The following HDAC1 variants were observed in gnomAD, a reference collection of about 807,000 sequenced individuals.
HDAC1 encodes histone deacetylase 1.
In HDAC1, 18 loss-of-function variants were observed where a neutral mutation model predicts 65.5. The observed-to-expected ratio is 0.27, with a 90% CI of 0.19 to 0.41. HDAC1 has a LOEUF of 0.41. Among genes scored for constraint, HDAC1 ranks in the 10% least tolerant of loss-of-function variants. The pLI is 1.00. For synonymous variants in HDAC1, 211 were observed against 227.9 expected, an observed-to-expected ratio of 0.93 and a Z score of 0.67; for missense variants, 373 against 625.2, an observed-to-expected ratio of 0.60 and a Z score of 4.30.
chr1:32,329,374 CA>C lies in HDAC1; in HGVS notation c.729+219del. 3.3e-6 allele frequency: 2 copies of C among 599,414 alleles called. No individual in the cohort carries two copies. The highest frequency in any genetic ancestry group is 2.8e-5 in the East Asian group (1 of 36,028). The allele number at this position is 599,414 out of a possible 1,614,324, so 37.1% of individuals were successfully genotyped here. A position where few individuals can be genotyped will look rare whatever the true frequency, so the allele number is the denominator to read the frequency against. ...TATGGGTCAGGTCTTCTGCTGGATA[CA>C]AAAATATCTAAGACATGATCTTTGC... is the stretch of plus-strand genomic sequence containing the variant. On this transcript the variant is annotated intron_variant, in intron 7 of 13. Transcript: ENST00000373548. This position sits in a 1 kb window ranked among gnomAD's most constrained non-coding sequence, Gnocchi z 4.1.
chr1:32,308,046 G>T (rs934581771), intron 2 of HDAC1, among the ~76,000 whole-genome samples: 2 of 152,224 alleles, frequency 1.3e-5, no homozygotes, highest in Non-Finnish European at 2.9e-5. Flanking sequence ...CGGGCCGGGC[G>T]CAGTGGCTCA....
chr1:32,299,421 A>C (rs1274331559), intron 1 of HDAC1, among the ~76,000 whole-genome samples: 1 of 151,958 alleles, frequency 6.6e-6, no homozygotes, highest in Non-Finnish European at 1.5e-5. Flanking sequence ...CAAAAACATC[A>C]AACAAAAAAA....
chr1:32,330,544 T>C lies in HDAC1; in HGVS notation c.730-34T>C. On this transcript the variant is annotated intron_variant, in intron 7 of 13. Coordinates refer to ENST00000373548, the MANE Select transcript of HDAC1 (RefSeq NM_004964.3). This position sits in a 1 kb window ranked among gnomAD's most constrained non-coding sequence, Gnocchi z 4.2. ...CACTCCAAACCTCGTATTGCTTTCT[T>C]GAGGTTGGTGGTGACCAGGATGTAT... The C allele has an allele frequency of 1.4e-6, 2 of 1,439,226 alleles. No individual in the cohort carries two copies. Among genetic ancestry groups the C allele is most frequent in the Non-Finnish European group, 2.0e-6 (2 of 1,020,942 alleles). 89.2% of individuals were successfully genotyped at this position (1,439,226 alleles called of 1,614,324 possible).
chr1:32,324,479 T>C lies in HDAC1; in HGVS notation c.281T>C (p.Phe94Ser). Residue 94 changes from phenylalanine (F) to serine (S), a missense_variant and splice_region_variant, in exon 4 of 14, where the codon TTC becomes TCC. Physicochemically the swap from Phe to Ser is radical, Grantham distance 155 (BLOSUM62 -2). Transcript: ENST00000373548. ...TAACCTTTTGCTTATTTCTTTCAAG[T>C]CAACGTTGGTGAGGACTGTCCAGTA... is the stretch of plus-strand genomic sequence containing the variant. ...MSEYSKQMQR[F>S]NVGEDCPVFD... The C allele has an allele frequency of 6.2e-7, 1 of 1,608,236 alleles. No individual in the cohort carries two copies. The highest frequency in any genetic ancestry group is 1.7e-5 in the Admixed American group (1 of 59,964).
intron 2 of HDAC1, among the ~76,000 whole-genome samples, chr1:32,308,181 TG>T (rs1274004352): frequency 6.6e-6 from 1 of 152,100 alleles, no homozygotes; most frequent in African/African-American, 2.4e-5. Flanking sequence ...TAGCTGGGCA[TG>T]GTGGCACATG....
At chr1:32,320,899 CA>C (rs1160071616) in intron 3 of HDAC1, among the ~76,000 whole-genome samples, 2,128 of 23,288 alleles carry the variant, frequency 0.091, 4 homozygotes, top group Middle Eastern at 0.14. Flanking sequence ...GACTCCATCT[CA>C]AAAAAAAAAA....
rs778088376 is a variant in HDAC1, at chr1:32,330,981, C to G, written c.979+73C>G. ...CTCATCTGTCCTTAAGTTTATAACCCCTTCCCCGTTGGTCATATGACCGCT... is the reference window on the plus strand; with the variant it reads ...CTCATCTGTCCTTAAGTTTATAACCGCTTCCCCGTTGGTCATATGACCGCT... On this transcript the variant is annotated intron_variant, in intron 9 of 13. Transcript: ENST00000373548. The surrounding 1 kb of genome is among the most constrained non-coding windows in gnomAD (Gnocchi z 4.2). 16 of 1,472,570 alleles carry G rather than the reference C, an allele frequency of 1.1e-5. No homozygotes were observed. The highest frequency in any genetic ancestry group is 1.5e-5 in the Non-Finnish European group (16 of 1,057,510). The allele number at this position is 1,472,570 out of a possible 1,614,324, so 91.2% of individuals were successfully genotyped here.
intron 4 of HDAC1, among the ~76,000 whole-genome samples, chr1:32,325,169 A>G (rs1641200668): frequency 6.6e-6 from 1 of 152,226 alleles, no homozygotes; most frequent in Admixed American, 6.5e-5. Flanking sequence ...TGCTATAAAA[A>G]TGGAAGTGTC....
At chr1:32,304,709 A>C (rs769174186) in intron 2 of HDAC1, among the ~76,000 whole-genome samples, 1 of 152,130 alleles carries the variant, frequency 6.6e-6, no homozygotes, top group Non-Finnish European at 1.5e-5. Flanking sequence ...AGCTGGGATT[A>C]AAGGTGTAAG....
In HDAC1 at chr1:32,330,985, C is replaced by T; in HGVS notation, c.979+77C>T. The T allele has an allele frequency of 7.0e-7, 1 of 1,430,302 alleles. No individual in the cohort carries two copies. 88.6% of individuals were successfully genotyped at this position (1,430,302 alleles called of 1,614,324 possible). ...TCTGTCCTTAAGTTTATAACCCCTT[C>T]CCCGTTGGTCATATGACCGCTCCTC... is the stretch of plus-strand genomic sequence containing the variant. On this transcript the variant is annotated intron_variant, in intron 9 of 13. Transcript: ENST00000373548. This position sits in a 1 kb window ranked among gnomAD's most constrained non-coding sequence, Gnocchi z 4.2.
intron 2 of HDAC1, among the ~76,000 whole-genome samples, chr1:32,310,587 C>T (rs780193457): frequency 2.4e-4 from 36 of 152,244 alleles, no homozygotes; most frequent in Non-Finnish European, 4.4e-4. Context: ...CAGTGGCTCA[C>T]GCTTGTAGTC....
intron 2 of HDAC1, among the ~76,000 whole-genome samples, chr1:32,314,265 C>T (rs760044420): frequency 2.0e-5 from 3 of 152,142 alleles, no homozygotes; most frequent in Non-Finnish European, 4.4e-5. Flanking sequence ...GATCACAGCT[C>T]ACTGCAGCCT....
intron 3 of HDAC1, among the ~76,000 whole-genome samples, chr1:32,321,896 A>G (rs1416583584): frequency 6.6e-6 from 1 of 152,114 alleles, no homozygotes; most frequent in Non-Finnish European, 1.5e-5. Flanking sequence ...GCCGGGGCCC[A>G]GGGACCAAAG....
chr1:32,311,645 CAG>C (rs1209027817), intron 2 of HDAC1, among the ~76,000 whole-genome samples: 1 of 152,084 alleles, frequency 6.6e-6, no homozygotes, highest in African/African-American at 2.4e-5. Context: ...CAAAAAAGGA[CAG>C]AGTTTAAAAT....
Position 32,333,408 on chromosome 1 carries a change from TCTC to T in HDAC1, c.*367_*369del, listed in dbSNP as rs577933793. On this transcript the variant is annotated 3_prime_UTR_variant, in exon 14 of 14. Transcript: ENST00000373548. ...GAAGGGGTGGCTGGGTCTTCAAGGA[TCTC>T]CTGTTTTTTTCAGGCTCCTAAAGTA... The T allele has an allele frequency of 7.9e-5, 13 of 164,118 alleles. No homozygotes were observed. The South Asian group carries it at 2.3e-3, about 29-fold the overall frequency. The allele number at this position is 164,118 out of a possible 1,614,324, so 10.2% of individuals were successfully genotyped here.
chr1:32,308,362 G>A (rs1640939585), intron 2 of HDAC1, among the ~76,000 whole-genome samples: 1 of 152,208 alleles, frequency 6.6e-6, no homozygotes, highest in Non-Finnish European at 1.5e-5. Context: ...GTCATTGAAT[G>A]AGAGCAGTAC....
chr1:32,331,406 G>A lies in HDAC1; in HGVS notation c.980-68G>A, dbSNP rs1641289498. The A allele has an allele frequency of 1.1e-5, 10 of 869,644 alleles. No individual in the cohort carries two copies. Among genetic ancestry groups the A allele is most frequent in the South Asian group, 1.1e-4 (8 of 74,122 alleles). The allele number at this position is 869,644 out of a possible 1,614,324, so 53.9% of individuals were successfully genotyped here. A position where few individuals can be genotyped will look rare whatever the true frequency, so the allele number is the denominator to read the frequency against. On this transcript the variant is annotated intron_variant, in intron 9 of 13. Coordinates refer to ENST00000373548, the MANE Select transcript of HDAC1 (RefSeq NM_004964.3). The surrounding 1 kb of genome is among the most constrained non-coding windows in gnomAD (Gnocchi z 4.2). Reference sequence around the variant, plus strand: ...GAGAAACCTACAAATGCTTTAGGGTGCTTACGTGCAAATGGTTAGGGTGCG... The same window carrying A: ...GAGAAACCTACAAATGCTTTAGGGTACTTACGTGCAAATGGTTAGGGTGCG...
intron 3 of HDAC1, among the ~76,000 whole-genome samples, chr1:32,317,369 G>GA (rs894064724): frequency 2.0e-5 from 3 of 150,950 alleles, no homozygotes; most frequent in Non-Finnish European, 4.4e-5. Context: ...CTGTGAGGGG[G>GA]AAAAAAAAAG....
Position 32,316,655 on chromosome 1 carries a change from T to TAGC in HDAC1, c.163-10_163-9insAGC. 1 of 1,561,976 alleles carries TAGC rather than the reference T, an allele frequency of 6.4e-7. No homozygotes were observed. Among genetic ancestry groups the TAGC allele is most frequent in the Non-Finnish European group, 8.8e-7 (1 of 1,133,118 alleles). On this transcript the variant is annotated splice_polypyrimidine_tract_variant and intron_variant, in intron 2 of 13. Transcript: ENST00000373548. ...AAAATAACTTGCCCTTTCTCCCTTC[T>TAGC]GCCCTCTAGCGCCCTCACAAAGCCA...
Sources: allele counts gnomAD v4.1 joint callset (sites outside exome capture counted in the v4.1 genomes callset), GRCh38; gene constraint gnomAD v4.1.1; non-coding constraint Gnocchi (gnomAD v3.1); transcripts MANE v1.5; gene names NCBI Gene and HGNC (gene_info 2026-07-23, HGNC 2026-07-21).